The following ME1 variants were observed in gnomAD, a reference collection of about 807,000 sequenced individuals.
The protein encoded by ME1 is NADP-dependent malic enzyme.
ME1 carries 74 observed loss-of-function variants against 66.4 expected under a neutral mutation model. The observed-to-expected ratio is 1.11, with a 90% CI of 0.92 to 1.35. ME1 has a LOEUF of 1.35. Among genes scored for constraint, ME1 ranks in the 40% most tolerant of loss-of-function variants. The probability of loss-of-function intolerance (pLI) is 0.00; values close to 1 mark genes in which losing one functional copy is unlikely to be tolerated. For synonymous variants in ME1, 251 were observed against 235.6 expected, an observed-to-expected ratio of 1.07 and a Z score of -0.60; for missense variants, 750 against 694.1, an observed-to-expected ratio of 1.08 and a Z score of -0.90.
chr6:83,285,979 TC>T (rs1022735756), intron 6 of ME1, among the ~76,000 whole-genome samples: 1 of 152,216 alleles, frequency 6.6e-6, no homozygotes, highest in Non-Finnish European at 1.5e-5. Context: ...CATTGTCATT[TC>T]TATTTTCACA....
intron 6 of ME1, among the ~76,000 whole-genome samples, chr6:83,267,991 T>C (rs1300849352): frequency 2.0e-5 from 3 of 152,196 alleles, no homozygotes; most frequent in African/African-American, 7.2e-5. Context: ...CATTAGAGTT[T>C]ATACTGAATA....
intron 3 of ME1, chr6:83,392,487 C>T (rs1413257609): frequency 3.8e-6 from 2 of 523,490 alleles, no homozygotes; most frequent in Middle Eastern, 6.2e-4. Flanking sequence ...CTGCTTTAAA[C>T]TCTGGTTAAG....
chr6:83,365,816 A>C (rs937075658), intron 3 of ME1, among the ~76,000 whole-genome samples: 2 of 152,066 alleles, frequency 1.3e-5, no homozygotes, highest in African/African-American at 4.8e-5. Flanking sequence ...ACTTCCTTCC[A>C]TCTGTATCCC....
rs755557179 is a variant in ME1 at position 83,211,940 on chromosome 6, G to A, written c.1703C>T (p.Thr568Ile). 35 of 1,596,394 alleles carry A rather than the reference G, an allele frequency of 2.2e-5. No homozygotes were observed. In the South Asian group the frequency reaches 3.9e-4, roughly 18 times the overall value. ...SWPEEVQKIQ[T>I]KVDQ ...GCTATTATCCTACTGGTCAACTTTG[G>A]TCTGTATTTTCTGCACCTCTTCAGG... The change falls in exon 14 of 14, where the codon ACC becomes ATC. Residue 568 changes from threonine to isoleucine, a missense_variant. Thr to Ile is a moderately conservative substitution (Grantham distance 89). Coordinates refer to ENST00000369705, the MANE Select transcript of ME1 (RefSeq NM_002395.6).
At chr6:83,342,656 G>T (rs901149757) in intron 5 of ME1, among the ~76,000 whole-genome samples, 5 of 152,092 alleles carry the variant, frequency 3.3e-5, no homozygotes, top group African/African-American at 1.2e-4. Context: ...TCCAGTCAGG[G>T]TATTTAGGGA....
intron 6 of ME1, among the ~76,000 whole-genome samples, chr6:83,280,324 T>C (rs190872721): frequency 4.6e-4 from 70 of 152,130 alleles, no homozygotes; most frequent in Non-Finnish European, 9.6e-4. Flanking sequence ...ATGAAAGCAA[T>C]GTGACAAGGG....
intron 1 of ME1, among the ~76,000 whole-genome samples, chr6:83,428,721 T>A (rs1369603994): frequency 6.6e-6 from 1 of 152,212 alleles, no homozygotes; most frequent in Non-Finnish European, 1.5e-5. Context: ...AGGTACCAGA[T>A]AACCATCCTA....
intron 1 of ME1, among the ~76,000 whole-genome samples, chr6:83,428,551 G>A (rs28360575): frequency 0.19 from 28,778 of 152,060 alleles, 3,211 homozygotes; most frequent in Middle Eastern, 0.36. Context: ...TTGTCTCTTT[G>A]GAGCCAAGGT....
chr6:83,237,559 G>C (rs1790439759), intron 9 of ME1, among the ~76,000 whole-genome samples, 158 bp downstream of exon 9: 1 of 152,178 alleles, frequency 6.6e-6, no homozygotes. Flanking sequence ...TCTTTATTCA[G>C]AAGAGTATCA....
chr6:83,228,035 A>G (rs1790231560), intron 10 of ME1, among the ~76,000 whole-genome samples: 1 of 152,224 alleles, frequency 6.6e-6, no homozygotes, highest in Non-Finnish European at 1.5e-5. Flanking sequence ...GTCATGGAGT[A>G]AGTACTTCTT....
chr6:83,306,753 G>A (rs775617743), intron 6 of ME1, among the ~76,000 whole-genome samples: 1 of 151,842 alleles, frequency 6.6e-6, no homozygotes, highest in Non-Finnish European at 1.5e-5. Context: ...CCTACTGTAG[G>A]GTAAAATATA....
intron 12 of ME1, among the ~76,000 whole-genome samples, chr6:83,219,855 T>C (rs1790054686): frequency 6.6e-6 from 1 of 151,736 alleles, no homozygotes; most frequent in African/African-American, 2.4e-5. Context: ...TCCAAAGTGT[T>C]GGGATTACAG....
chr6:83,216,640 A>G, intron 12 of ME1, 44 bp from the exon 13 acceptor site: 1 of 1,337,054 alleles, frequency 7.5e-7, no homozygotes, highest in Non-Finnish European at 1.0e-6. Context: ...ACTTCACACG[A>G]TACAATGTGG....
chr6:83,347,461 G>A (rs923705708), intron 4 of ME1, among the ~76,000 whole-genome samples: 3 of 152,104 alleles, frequency 2.0e-5, no homozygotes, highest in Non-Finnish European at 2.9e-5. Flanking sequence ...AGAGAAACGT[G>A]GGAATATGTC....
intron 7 of ME1, among the ~76,000 whole-genome samples, chr6:83,243,462 T>TTATA (rs1457669610): frequency 8.4e-6 from 1 of 118,680 alleles, no homozygotes; most frequent in Admixed American, 1.0e-4. Flanking sequence ...TAGATTATAT[T>TTATA]TATATATTTA....
intron 11 of ME1, among the ~76,000 whole-genome samples, chr6:83,225,437 G>A (rs1473810891): frequency 6.6e-6 from 1 of 151,982 alleles, no homozygotes; most frequent in Non-Finnish European, 1.5e-5. Context: ...TTTAAACGAT[G>A]ACAGAATGGG....
intron 3 of ME1, among the ~76,000 whole-genome samples, chr6:83,381,845 T>C (rs959250251): frequency 1.3e-5 from 2 of 152,108 alleles, no homozygotes; most frequent in Non-Finnish European, 2.9e-5. Context: ...TTTAAAACTT[T>C]AGTTAGATGC....
At chr6:83,376,305 T>G (rs895347273) in intron 3 of ME1, among the ~76,000 whole-genome samples, 23 of 152,096 alleles carry the variant, frequency 1.5e-4, no homozygotes, top group African/African-American at 5.6e-4. Flanking sequence ...AAGACCAGCC[T>G]GGGCAACATG....
intron 8 of ME1, among the ~76,000 whole-genome samples, chr6:83,239,197 C>T (rs561597270): frequency 6.6e-6 from 1 of 151,820 alleles, no homozygotes; most frequent in Non-Finnish European, 1.5e-5. Context: ...ATACTAAAAG[C>T]CAGTATCAGA....
Sources: gnomAD v4.1 joint callset for allele counts (sites outside exome capture counted in the v4.1 genomes callset) on GRCh38, gnomAD v4.1.1 for gene constraint, MANE v1.5 for transcripts, NCBI Gene and HGNC (gene_info 2026-07-23, HGNC 2026-07-21) for gene names.